Variants in PDE1A observed in about 807,000 individuals in gnomAD.
The protein encoded by PDE1A is phosphodiesterase 1A.
PDE1A carries 35 observed loss-of-function variants against 61.7 expected under a neutral mutation model. The ratio of observed to expected loss-of-function variants is 0.57; its 90% CI spans 0.43 to 0.75. The LOEUF (loss-of-function observed/expected upper bound fraction) is 0.75, where lower values mean the gene tolerates loss of function less well. Ranked by LOEUF, PDE1A falls within the 30% of genes least tolerant of loss-of-function variation. PDE1A has a pLI of 0.00. For missense variants in PDE1A, 597 were observed against 630.6 expected (o/e 0.95, Z 0.57); for synonymous variants, 232 against 213.2 (o/e 1.09, Z -0.77).
chr2:182,164,912 A>G (rs1156328858), downstream of PDE1A, among the ~76,000 whole-genome samples: 1 of 151,988 alleles, frequency 6.6e-6, no homozygotes, highest in African/African-American at 2.4e-5. Flanking sequence ...ATTCACTGCC[A>G]TCCTATTCCA....
the PDE1A span, among the ~76,000 whole-genome samples, chr2:182,608,547 C>A: frequency 6.6e-6 from 1 of 152,198 alleles, no homozygotes; most frequent in Non-Finnish European, 1.5e-5. Flanking sequence ...CGGCCCGGCA[C>A]TCGGAGCCGC....
At chr2:182,308,083 C>A (rs916217250) in intron 1 of PDE1A, among the ~76,000 whole-genome samples, 2 of 151,974 alleles carry the variant, frequency 1.3e-5, no homozygotes, top group African/African-American at 4.8e-5. Context: ...AAATAATGTC[C>A]ACTGGAGAAA....
intron 7 of PDE1A, among the ~76,000 whole-genome samples, chr2:182,209,656 A>G (rs1042887028): frequency 1.8e-4 from 28 of 151,920 alleles, no homozygotes; most frequent in African/African-American, 6.8e-4. Context: ...CATGATAATG[A>G]GTGAGTTCTC....
intron 1 of PDE1A, among the ~76,000 whole-genome samples, chr2:182,419,948 C>T (rs538503692): frequency 1.2e-4 from 18 of 151,972 alleles, no homozygotes; most frequent in African/African-American, 4.3e-4. Context: ...ATTCTAGCCT[C>T]AGGGATCTTA....
the PDE1A span, among the ~76,000 whole-genome samples, chr2:182,672,591 C>T: frequency 6.6e-6 from 1 of 152,210 alleles, no homozygotes; most frequent in African/African-American, 2.4e-5. Context: ...TTTTGTTTAA[C>T]TTTTCTTTGG....
the PDE1A span, among the ~76,000 whole-genome samples, chr2:182,597,158 TA>T: frequency 0.11 from 15,992 of 147,016 alleles, 2,269 homozygotes; most frequent in African/African-American, 0.34. Context: ...TCTCAAAAAT[TA>T]AAAAAAAAAA....
intron 1 of PDE1A, among the ~76,000 whole-genome samples, chr2:182,356,859 T>A (rs1161397798): frequency 6.6e-6 from 1 of 152,028 alleles, no homozygotes; most frequent in Non-Finnish European, 1.5e-5. Flanking sequence ...CCGTAAGAAA[T>A]GATGAGTTAA....
chr2:182,544,879 CA>C, the PDE1A span, among the ~76,000 whole-genome samples: 1 of 151,854 alleles, frequency 6.6e-6, no homozygotes, highest in Admixed American at 6.6e-5. Context: ...TGGAAAGAAA[CA>C]AAGAGGTAAA....
At chr2:182,433,111 C>G (rs967955364) in intron 2 of PDE1A, among the ~76,000 whole-genome samples, 7 of 152,056 alleles carry the variant, frequency 4.6e-5, no homozygotes, top group African/African-American at 1.7e-4. Context: ...ATACACTGCT[C>G]CATCTCAGCT....
the PDE1A span, among the ~76,000 whole-genome samples, chr2:182,554,505 T>G: frequency 6.6e-6 from 1 of 152,176 alleles, no homozygotes. Flanking sequence ...GAATGAAGTA[T>G]CTAGTGAGGT....
chr2:182,249,920 A>G (rs894527183), intron 2 of PDE1A, among the ~76,000 whole-genome samples: 3 of 152,166 alleles, frequency 2.0e-5, no homozygotes, highest in Non-Finnish European at 4.4e-5. Context: ...ACCATGAGAA[A>G]GATCTAATTA....
chr2:182,477,458 G>T (rs1371223781), intron 2 of PDE1A, among the ~76,000 whole-genome samples: 1 of 151,854 alleles, frequency 6.6e-6, no homozygotes, highest in Non-Finnish European at 1.5e-5. Context: ...GCTCAGAAAG[G>T]TCAAGGAAAG....
chr2:182,510,117 T>C (rs931515083), intron 2 of PDE1A, among the ~76,000 whole-genome samples: 3 of 152,152 alleles, frequency 2.0e-5, no homozygotes, highest in East Asian at 1.9e-4. Flanking sequence ...ACTGAGCTTT[T>C]TGTCGGCCTA....
At chr2:182,462,360 ATG>A (rs1228511732) in intron 2 of PDE1A, among the ~76,000 whole-genome samples, 1 of 151,204 alleles carries the variant, frequency 6.6e-6, no homozygotes, top group Non-Finnish European at 1.5e-5. Flanking sequence ...TCTTATATAT[ATG>A]TGTGTGTATA....
At chr2:182,573,943 T>G in the PDE1A span, among the ~76,000 whole-genome samples, 2 of 133,956 alleles carry the variant, frequency 1.5e-5, no homozygotes, top group African/African-American at 6.0e-5. Flanking sequence ...TGTATATTTA[T>G]ATATTATATA....
chr2:182,154,915 A>G (rs1157378703), intron 13 of PDE1A, among the ~76,000 whole-genome samples: 1 of 152,064 alleles, frequency 6.6e-6, no homozygotes, highest in Non-Finnish European at 1.5e-5. Flanking sequence ...ACTACTAACA[A>G]ATTATTTTTC....
intron 1 of PDE1A, among the ~76,000 whole-genome samples, chr2:182,422,815 T>A (rs1313731345): frequency 3.9e-5 from 6 of 152,224 alleles, no homozygotes. Context: ...AGGTCTCATA[T>A]ATGAAGTGTT....
the PDE1A span, among the ~76,000 whole-genome samples, chr2:182,671,620 T>A: frequency 3.0e-5 from 3 of 101,302 alleles, no homozygotes; most frequent in African/African-American, 1.0e-4. Context: ...ACTTTCTTTT[T>A]CTTTTTTTTT....
chr2:182,498,970 A>G (rs984991305), intron 2 of PDE1A, among the ~76,000 whole-genome samples: 1 of 151,074 alleles, frequency 6.6e-6, no homozygotes, highest in African/African-American at 2.4e-5. Flanking sequence ...AAATGACCCT[A>G]CTAAGGTTTT....
Sources: gnomAD v4.1 joint callset for allele counts (sites outside exome capture counted in the v4.1 genomes callset) on GRCh38, gnomAD v4.1.1 for gene constraint, MANE v1.5 for transcripts, NCBI Gene and HGNC (gene_info 2026-07-23, HGNC 2026-07-21) for gene names.